The following CPED1 variants were observed in gnomAD, a reference collection of about 807,000 sequenced individuals.
CPED1 encodes the protein cadherin like and PC-esterase domain containing 1.
CPED1 carries 114 observed loss-of-function variants against 128.2 expected under a neutral mutation model. The observed-to-expected ratio is 0.89, with a 90% CI of 0.76 to 1.04. CPED1 has a LOEUF of 1.04. Among genes scored for constraint, CPED1 ranks in the 50% least tolerant of loss-of-function variants. CPED1 has a pLI of 0.00. For missense variants in CPED1, 1,211 were observed against 1,207.1 expected (o/e 1.00, Z -0.05); for synonymous variants, 462 against 426.7 (o/e 1.08, Z -1.02).
At chr7:121,169,981 TCCTTACA>T in intron 16 of CPED1, among the ~76,000 whole-genome samples, 1 of 152,174 alleles carries the variant, frequency 6.6e-6, no homozygotes, top group Non-Finnish European at 1.5e-5. Context: ...ACTTAACACT[TCCTTACA>T]CCTTACACTT....
chr7:121,132,570 G>T (rs1296580414), intron 12 of CPED1, among the ~76,000 whole-genome samples: 3 of 152,010 alleles, frequency 2.0e-5, no homozygotes, highest in African/African-American at 7.2e-5. Flanking sequence ...GATCTCAACA[G>T]AATTAGTGTG....
rs182670204 is a variant in CPED1 at position 121,167,215 on chromosome 7, G to T, written c.2055+25074G>T. Among the ~76,000 whole-genome samples, 80 of 152,276 alleles carry T rather than the reference G, an allele frequency of 5.3e-4. No homozygotes were observed. The East Asian group carries it at 0.014, about 26-fold the overall frequency. On this transcript the variant is annotated intron_variant, in intron 16 of 22. Transcript: ENST00000310396. ...TAAACCTTGTGACCTATTGCAGTCC[G>T]TTTGAAGTTGGTCTGCTTACACTTG...
intron 10 of CPED1, 102 bp downstream of exon 10, chr7:121,127,359 A>G (rs1795529869): frequency 2.8e-6 from 2 of 712,104 alleles, no homozygotes; most frequent in African/African-American, 3.6e-5. Flanking sequence ...ATTCACTTCA[A>G]ATTAATTGGT....
intron 10 of CPED1, 148 bp downstream of exon 10, chr7:121,127,405 T>G (rs928168440): frequency 6.1e-5 from 30 of 493,272 alleles, no homozygotes; most frequent in African/African-American, 4.4e-4. Context: ...TTTTCTGACC[T>G]CTGGACTAAG....
At chr7:121,125,289 T>C (rs1795476760) in intron 8 of CPED1, among the ~76,000 whole-genome samples, 1 of 152,100 alleles carries the variant, frequency 6.6e-6, no homozygotes, top group South Asian at 2.1e-4. Context: ...CAAGAGAATA[T>C]AGTTTTTATT....
At position 121,296,163 on chromosome 7, in the gene CPED1, T is replaced by A. The variant is rs1792821102; in HGVS notation, c.*511T>A. The A allele has an allele frequency of 6.5e-6, 1 of 152,688 alleles. No homozygotes were observed. Among genetic ancestry groups the A allele is most frequent in the South Asian group, 2.1e-4 (1 of 4,830 alleles). The allele number at this position is 152,688 out of a possible 1,614,324, so 9.5% of individuals were successfully genotyped here. On this transcript the variant is annotated 3_prime_UTR_variant, in exon 23 of 23. Coordinates refer to ENST00000310396, the MANE Select transcript of CPED1 (RefSeq NM_024913.5). ...TTAGGCTTTGTGAATCTAATGCTTATGAAAAACATTTCTTCCTATACTTTT... is the reference window on the plus strand; with the variant it reads ...TTAGGCTTTGTGAATCTAATGCTTAAGAAAAACATTTCTTCCTATACTTTT...
At chr7:121,131,683 T>A (rs1482742202) in intron 12 of CPED1, among the ~76,000 whole-genome samples, 1 of 151,974 alleles carries the variant, frequency 6.6e-6, no homozygotes, top group Non-Finnish European at 1.5e-5. Flanking sequence ...TGAGTATAGT[T>A]GGAAAGGGTG....
chr7:121,029,277 T>C (rs1394377605), intron 3 of CPED1, among the ~76,000 whole-genome samples: 1 of 152,168 alleles, frequency 6.6e-6, no homozygotes. Context: ...TCATTTGTGT[T>C]ATCAAAATTC....
At chr7:121,104,947 A>G (rs1318468809) in intron 7 of CPED1, among the ~76,000 whole-genome samples, 1 of 152,070 alleles carries the variant, frequency 6.6e-6, no homozygotes, top group Non-Finnish European at 1.5e-5. Flanking sequence ...CATAATCTGA[A>G]TTTCTGGATA....
intron 2 of CPED1, among the ~76,000 whole-genome samples, chr7:121,008,099 C>T (rs548100438): frequency 9.2e-5 from 14 of 152,084 alleles, no homozygotes; most frequent in African/African-American, 3.1e-4. Flanking sequence ...TTCTGAAATT[C>T]TATCAGGGTA....
intron 4 of CPED1, among the ~76,000 whole-genome samples, chr7:121,049,876 G>C (rs1272110536): frequency 2.6e-5 from 4 of 152,188 alleles, no homozygotes; most frequent in Non-Finnish European, 5.9e-5. Flanking sequence ...TGTCACATCT[G>C]GGGGGATGTT....
At chr7:121,028,714 G>A (rs897762727) in intron 3 of CPED1, among the ~76,000 whole-genome samples, 1 of 152,160 alleles carries the variant, frequency 6.6e-6, no homozygotes, top group Non-Finnish European at 1.5e-5. Flanking sequence ...CATTGTCTAT[G>A]TGAAACCATG....
intron 10 of CPED1, 41 bp from the exon 11 acceptor site, chr7:121,128,341 T>C: frequency 1.7e-6 from 2 of 1,159,258 alleles, no homozygotes; most frequent in Non-Finnish European, 2.6e-6. Flanking sequence ...ATGGTTTGAC[T>C]TTTTAACAAT....
intron 7 of CPED1, among the ~76,000 whole-genome samples, chr7:121,106,982 C>T (rs1416092412): frequency 2.6e-5 from 4 of 152,040 alleles, no homozygotes; most frequent in South Asian, 4.2e-4. Flanking sequence ...GCACTTTAAG[C>T]GTCCATAGAG....
At chr7:121,226,994 T>C (rs1389446833) in intron 16 of CPED1, among the ~76,000 whole-genome samples, 2 of 152,044 alleles carry the variant, frequency 1.3e-5, no homozygotes, top group East Asian at 1.9e-4. Flanking sequence ...AGGAATCCAT[T>C]TGGAAATTTC....
chr7:121,091,407 A>G (rs1794569311), intron 5 of CPED1, among the ~76,000 whole-genome samples: 1 of 152,200 alleles, frequency 6.6e-6, no homozygotes, highest in South Asian at 2.1e-4. Flanking sequence ...GTAATGTCAA[A>G]TACCAGATGT....
intron 5 of CPED1, among the ~76,000 whole-genome samples, chr7:121,083,071 C>T (rs1035262667): frequency 6.6e-6 from 1 of 152,082 alleles, no homozygotes; most frequent in Non-Finnish European, 1.5e-5. Flanking sequence ...GAATGAACAG[C>T]CCTGGGAGAG....
chr7:121,061,901 G>A (rs1793681975), intron 4 of CPED1, among the ~76,000 whole-genome samples: 1 of 152,156 alleles, frequency 6.6e-6, no homozygotes, highest in East Asian at 1.9e-4. Context: ...TCTTTGTGCT[G>A]TTATTTTACT....
At chr7:121,051,399 G>A in intron 4 of CPED1, 1 of 449,560 alleles carries the variant, frequency 2.2e-6, no homozygotes, top group Non-Finnish European at 4.0e-6. Context: ...AAAATCATTT[G>A]CTGGTTGTTT....
Sources: allele counts gnomAD v4.1 joint callset (sites outside exome capture counted in the v4.1 genomes callset), GRCh38; gene constraint gnomAD v4.1.1; transcripts MANE v1.5; gene names NCBI Gene and HGNC (gene_info 2026-07-23, HGNC 2026-07-21).